CYP27A1: variants seen among roughly 807,000 people sequenced by gnomAD.
The protein encoded by CYP27A1 is sterol 26-hydroxylase, mitochondrial.
CYP27A1 carries 46 observed loss-of-function variants against 58.2 expected under a neutral mutation model. The observed-to-expected ratio is 0.79, with a 90% CI of 0.62 to 1.01. CYP27A1 has a LOEUF of 1.01. Among genes scored for constraint, CYP27A1 ranks in the 50% least tolerant of loss-of-function variants. CYP27A1 has a pLI of 0.00. For synonymous variants in CYP27A1, 274 were observed against 285.1 expected (o/e 0.96, Z 0.39); for missense variants, 704 against 687.0 (o/e 1.02, Z -0.28).
chr2:218,785,731 A>C (rs28450277), intron 1 of CYP27A1, among the ~76,000 whole-genome samples: 2 of 152,164 alleles, frequency 1.3e-5, no homozygotes, highest in African/African-American at 4.8e-5. Context: ...GGGCCATCCC[A>C]TGGGAAATAC....
At chr2:218,813,988 C>T (rs942227209) in intron 5 of CYP27A1, 33 bp from the exon 6 acceptor site, 8 of 1,613,516 alleles carry the variant, frequency 5.0e-6, no homozygotes, top group East Asian at 4.5e-5. Context: ...TCCTAGAAAT[C>T]GCCCTCACCT....
At chr2:218,793,838 C>CAAGT (rs1943520037) in intron 1 of CYP27A1, among the ~76,000 whole-genome samples, 1 of 152,000 alleles carries the variant, frequency 6.6e-6, no homozygotes, top group African/African-American at 2.4e-5. Flanking sequence ...CTCAGACTCC[C>CAAGT]AAGTAGCTGG....
At chr2:218,798,885 AAAACAAACAAAC>A (rs71040405) in intron 1 of CYP27A1, among the ~76,000 whole-genome samples, 1 of 150,790 alleles carries the variant, frequency 6.6e-6, no homozygotes, top group Non-Finnish European at 1.5e-5. Context: ...TTGATCTCAA[AAAACAAACAAAC>A]AAACAAACAA....
chr2:218,785,661 A>G (rs1943434282), intron 1 of CYP27A1, among the ~76,000 whole-genome samples: 1 of 150,432 alleles, frequency 6.6e-6, no homozygotes, highest in South Asian at 2.1e-4. Flanking sequence ...GCTGGGATAT[A>G]GTAGCAGAGC....
intron 5 of CYP27A1, among the ~76,000 whole-genome samples, chr2:218,813,699 G>A (rs754310329): frequency 2.0e-5 from 3 of 151,990 alleles, no homozygotes; most frequent in Non-Finnish European, 2.9e-5. Context: ...TCAAAGTACC[G>A]GGATTATAGG....
At chr2:218,800,714 G>A (rs1237510457) in intron 1 of CYP27A1, among the ~76,000 whole-genome samples, 6 of 152,046 alleles carry the variant, frequency 3.9e-5, no homozygotes, top group Non-Finnish European at 8.8e-5. Context: ...ATACCCATAG[G>A]TTCTTAATAA....
At position 218,782,981 on chromosome 2, in the gene CYP27A1, G is replaced by T. The variant is rs1265248269; in HGVS notation, c.255+544G>T. Among the ~76,000 whole-genome samples, 1 of 152,148 alleles carries T rather than the reference G, an allele frequency of 6.6e-6. No homozygotes were observed. The highest frequency in any genetic ancestry group is 1.5e-5 in the Non-Finnish European group (1 of 68,020). ...TATTAAGAAATCAGTCTGAGGCCGG[G>T]TGCAGTGGCTCACACCTGTAATCTC... On this transcript the variant is annotated intron_variant, in intron 1 of 8. Coordinates refer to ENST00000258415, the MANE Select transcript of CYP27A1 (RefSeq NM_000784.4). The surrounding 1 kb of genome is among the most constrained non-coding windows in gnomAD (Gnocchi z 4.1).
intron 1 of CYP27A1, among the ~76,000 whole-genome samples, chr2:218,787,081 G>C (rs184807744): frequency 6.6e-6 from 1 of 152,296 alleles, no homozygotes; most frequent in Admixed American, 6.5e-5. Flanking sequence ...ATAAATTACT[G>C]TACCTGGCCA....
rs751088394 is a variant in CYP27A1, at chr2:218,814,201, C to G, written c.1184+14C>G. 4 of 1,614,170 alleles carry G rather than the reference C, an allele frequency of 2.5e-6. No individual in the cohort carries two copies. The South Asian group carries it at 3.3e-5, about 13-fold the overall frequency. ...GGAGACTCTGCGGTAGGACAGAATG[C>G]TGTTCTGGGGGGCACAGGATCTCTT... On this transcript the variant is annotated intron_variant, in intron 6 of 8. Coordinates refer to ENST00000258415, the MANE Select transcript of CYP27A1 (RefSeq NM_000784.4).
At chr2:218,791,536 A>G (rs1943492982) in intron 1 of CYP27A1, among the ~76,000 whole-genome samples, 1 of 152,206 alleles carries the variant, frequency 6.6e-6, no homozygotes, top group Non-Finnish European at 1.5e-5. Flanking sequence ...TTGATCTGTG[A>G]TCTTGGGAAA....
chr2:218,802,331 T>TAA (rs10630236), intron 1 of CYP27A1, among the ~76,000 whole-genome samples: 69,219 of 146,946 alleles, frequency 0.47, 16,437 homozygotes, highest in Non-Finnish European at 0.51. Context: ...AAAAGAAAAT[T>TAA]AAAAAAAAAA....
intron 6 of CYP27A1, 83 bp from the exon 7 acceptor site, chr2:218,814,297 A>T: frequency 6.3e-7 from 1 of 1,596,768 alleles, no homozygotes; most frequent in Non-Finnish European, 8.6e-7. Context: ...CAAGGATGAG[A>T]TGGGAGAGGT....
chr2:218,800,990 A>G (rs889233113), intron 1 of CYP27A1, among the ~76,000 whole-genome samples: 8 of 152,218 alleles, frequency 5.3e-5, no homozygotes, highest in African/African-American at 1.4e-4. Flanking sequence ...CTGTTGGTAT[A>G]CTTTTAGATT....
intron 1 of CYP27A1, among the ~76,000 whole-genome samples, chr2:218,783,409 T>A (rs2106479570): frequency 6.6e-6 from 1 of 152,218 alleles, no homozygotes; most frequent in Non-Finnish European, 1.5e-5. Context: ...AGCTCACTGC[T>A]CACTGACAGA....
In CYP27A1 at chr2:218,812,923, G is replaced by A. The variant is rs397515353; in HGVS notation, c.845-1G>A. On this transcript the variant is annotated splice_acceptor_variant, in intron 4 of 8. Transcript: ENST00000258415. LOFTEE classifies it high-confidence loss of function. The stretch of plus-strand genomic sequence containing the variant: ...TTTCCTCTTCTCTGTTGCTTTCACA[G>A]GGAAGAAGCTGATTGATGAGAAGCT... 2.5e-5 allele frequency: 41 copies of A among 1,614,078 alleles called. No homozygotes were observed. The highest frequency in any genetic ancestry group is 1.0e-5 in the Non-Finnish European group (12 of 1,180,032).
chr2:218,814,597 C>A lies in CYP27A1; in HGVS notation c.1316C>A (p.Ser439Tyr). The change falls in exon 8 of 9, where the codon TCT becomes TAT. Residue 439 changes from serine (S) to tyrosine (Y), a missense_variant. Ser to Tyr is a moderately radical substitution (Grantham distance 144). Coordinates refer to ENST00000258415, the MANE Select transcript of CYP27A1 (RefSeq NM_000784.4). ...YVVSRDPTAF[S>Y]EPESFQPHRW... ...GTGTCCCGGGACCCCACTGCCTTCTCTGAGCCTGAAAGCTTCCAGCCCCAC... is the reference window on the plus strand; with the variant it reads ...GTGTCCCGGGACCCCACTGCCTTCTATGAGCCTGAAAGCTTCCAGCCCCAC... The A allele has an allele frequency of 6.2e-7, 1 of 1,614,242 alleles. No individual in the cohort carries two copies. Among genetic ancestry groups the A allele is most frequent in the Non-Finnish European group, 8.5e-7 (1 of 1,180,036 alleles).
At chr2:218,790,582 C>A (rs1388713523) in intron 1 of CYP27A1, among the ~76,000 whole-genome samples, 1 of 152,162 alleles carries the variant, frequency 6.6e-6, no homozygotes, top group Non-Finnish European at 1.5e-5. Flanking sequence ...AGCAGGTAAT[C>A]TAGAGCAATT....
At chr2:218,802,637 G>C (rs1166436038) in intron 1 of CYP27A1, among the ~76,000 whole-genome samples, 1 of 152,178 alleles carries the variant, frequency 6.6e-6, no homozygotes, top group Non-Finnish European at 1.5e-5. Context: ...AGAGACAGCC[G>C]ATGTTTTCTT....
At chr2:218,793,867 C>T (rs1157699708) in intron 1 of CYP27A1, among the ~76,000 whole-genome samples, 1 of 152,082 alleles carries the variant, frequency 6.6e-6, no homozygotes, top group Non-Finnish European at 1.5e-5. Context: ...GTATGCGCCA[C>T]CATGCTTGGC....
Sources: gnomAD v4.1 joint callset for allele counts (sites outside exome capture counted in the v4.1 genomes callset) on GRCh38, gnomAD v4.1.1 for gene constraint, Gnocchi (gnomAD v3.1) non-coding constraint, MANE v1.5 for transcripts, NCBI Gene and HGNC (gene_info 2026-07-23, HGNC 2026-07-21) for gene names.